Variants in BMPR1B observed in about 807,000 individuals in gnomAD.
BMPR1B encodes the protein bone morphogenetic protein receptor type-1B.
BMPR1B carries 12 observed loss-of-function variants against 59.1 expected under a neutral mutation model. That is an observed-to-expected ratio of 0.20 (90% CI 0.13 to 0.33). The LOEUF (loss-of-function observed/expected upper bound fraction) is 0.33. BMPR1B is among the 10% of genes least tolerant of loss of function. BMPR1B has a pLI of 1.00. For synonymous variants in BMPR1B, 237 were observed against 207.3 expected (o/e 1.14, Z -1.23); for missense variants, 550 against 610.9 (o/e 0.90, Z 1.05).
chr4:95,018,163 T>C (rs536463547), intron 3 of BMPR1B, among the ~76,000 whole-genome samples: 2 of 152,340 alleles, frequency 1.3e-5, no homozygotes, highest in Non-Finnish European at 2.9e-5. Flanking sequence ...TCATTTTATG[T>C]ACATGCAACA....
intron 2 of BMPR1B, among the ~76,000 whole-genome samples, chr4:94,886,298 T>G (rs1361456468): frequency 6.6e-6 from 1 of 152,210 alleles, no homozygotes; most frequent in African/African-American, 2.4e-5. Context: ...GTTTCTAATT[T>G]ATATCTGAAG....
intron 2 of BMPR1B, among the ~76,000 whole-genome samples, chr4:94,973,361 G>A (rs1730888393): frequency 6.6e-6 from 1 of 152,166 alleles, no homozygotes; most frequent in Non-Finnish European, 1.5e-5. Flanking sequence ...ATGAATTAAA[G>A]GATGGTAACT....
chr4:94,812,689 C>T (rs1723863716), intron 1 of BMPR1B, among the ~76,000 whole-genome samples: 2 of 152,096 alleles, frequency 1.3e-5, no homozygotes, highest in Admixed American at 1.3e-4. Context: ...AGGGTGAGGG[C>T]AGTCCCTGGG....
At chr4:94,871,977 G>A (rs1255256368) in intron 1 of BMPR1B, among the ~76,000 whole-genome samples, 3 of 152,174 alleles carry the variant, frequency 2.0e-5, no homozygotes, top group South Asian at 2.1e-4. Context: ...TTCTAAGGTC[G>A]TACCTTTTAT....
rs116215819 is a variant in BMPR1B at position 95,066,560 on chromosome 4, C to T, written c.-17-37848C>T. On this transcript the variant is annotated intron_variant, in intron 3 of 12. Coordinates refer to ENST00000515059, the MANE Select transcript of BMPR1B (RefSeq NM_001203.3). ...TTTCTAGAGCTTGTAAACATAGGAG[C>T]GATTGGAATAGTTTAAGCAAAGTCA... 6.3e-3 allele frequency among the ~76,000 whole-genome samples: 952 copies of T among 152,130 alleles called. 12 individuals carry two copies. Among genetic ancestry groups the T allele is most frequent in the African/African-American group, 0.022 (905 of 41,514 alleles).
At chr4:95,112,271 C>T (rs1401047907) in intron 4 of BMPR1B, among the ~76,000 whole-genome samples, 5 of 151,962 alleles carry the variant, frequency 3.3e-5, no homozygotes, top group East Asian at 1.9e-4. Flanking sequence ...ACTCTGGGAA[C>T]GAGGGTAACA....
intron 2 of BMPR1B, among the ~76,000 whole-genome samples, chr4:94,929,057 C>T (rs1728996024): frequency 6.6e-6 from 1 of 152,078 alleles, no homozygotes. Context: ...AAGGCAATGC[C>T]TCCCAACAAT....
At chr4:95,013,923 A>G (rs1317206507) in intron 3 of BMPR1B, among the ~76,000 whole-genome samples, 2 of 152,176 alleles carry the variant, frequency 1.3e-5, no homozygotes, top group Non-Finnish European at 2.9e-5. Flanking sequence ...ATCTTAAAAT[A>G]AAGATGTTTA....
At chr4:95,136,266 A>G (rs1733776506) in intron 10 of BMPR1B, among the ~76,000 whole-genome samples, 2 of 152,170 alleles carry the variant, frequency 1.3e-5, no homozygotes, top group Admixed American at 1.3e-4. Flanking sequence ...AGCCCACTTG[A>G]TCATGGTGGA....
At chr4:94,882,728 G>A (rs1727023088) in intron 2 of BMPR1B, among the ~76,000 whole-genome samples, 1 of 152,022 alleles carries the variant, frequency 6.6e-6, no homozygotes, top group Admixed American at 6.6e-5. Flanking sequence ...TCATAGGGAG[G>A]GTCTTCAGAT....
At chr4:94,804,658 G>A (rs1247478008) in intron 1 of BMPR1B, among the ~76,000 whole-genome samples, 2 of 131,886 alleles carry the variant, frequency 1.5e-5, no homozygotes, top group Non-Finnish European at 3.1e-5. Flanking sequence ...CAAAGTAAGT[G>A]TGTAGTTCAA....
intron 2 of BMPR1B, among the ~76,000 whole-genome samples, chr4:94,880,116 A>G (rs1726900526): frequency 6.6e-6 from 1 of 152,116 alleles, no homozygotes; most frequent in Non-Finnish European, 1.5e-5. Flanking sequence ...GCTGTTAAGT[A>G]TATGTGTGTT....
intron 2 of BMPR1B, among the ~76,000 whole-genome samples, chr4:94,959,548 A>G (rs1730276905): frequency 6.6e-6 from 1 of 152,148 alleles, no homozygotes; most frequent in Non-Finnish European, 1.5e-5. Flanking sequence ...CTTACTTCTC[A>G]CATTTCTTTT....
At chr4:94,850,342 A>G (rs932817799) in intron 1 of BMPR1B, among the ~76,000 whole-genome samples, 2 of 152,222 alleles carry the variant, frequency 1.3e-5, no homozygotes, top group Non-Finnish European at 2.9e-5. Flanking sequence ...CAAAAATATA[A>G]AAAGCACAAT....
chr4:94,880,713 A>G (rs1411648343), intron 2 of BMPR1B, among the ~76,000 whole-genome samples: 3 of 144,420 alleles, frequency 2.1e-5, no homozygotes, highest in Non-Finnish European at 4.5e-5. Context: ...ATCATGGCTC[A>G]CTACACCTTC....
intron 2 of BMPR1B, among the ~76,000 whole-genome samples, chr4:94,988,318 A>G (rs1721536952): frequency 6.6e-6 from 1 of 152,114 alleles, no homozygotes; most frequent in South Asian, 2.1e-4. Context: ...TTAATTTTTA[A>G]TATAGGTTCA....
chr4:94,937,433 G>A (rs1729353985), intron 2 of BMPR1B, among the ~76,000 whole-genome samples: 1 of 152,060 alleles, frequency 6.6e-6, no homozygotes, highest in Non-Finnish European at 1.5e-5. Flanking sequence ...ACTGCCTTCT[G>A]TTTTTCTCTT....
chr4:94,791,685 G>T (rs1722993701), intron 1 of BMPR1B, among the ~76,000 whole-genome samples: 1 of 152,034 alleles, frequency 6.6e-6, no homozygotes, highest in Admixed American at 6.6e-5. Context: ...GTTTAATATT[G>T]TAAAATATGT....
chr4:94,944,302 T>G (rs1729625341), intron 2 of BMPR1B, among the ~76,000 whole-genome samples: 1 of 152,150 alleles, frequency 6.6e-6, no homozygotes, highest in African/African-American at 2.4e-5. Flanking sequence ...AAATTCTCAC[T>G]TGGAAATTGT....
Sources: allele counts gnomAD v4.1 joint callset (sites outside exome capture counted in the v4.1 genomes callset), GRCh38; gene constraint gnomAD v4.1.1; transcripts MANE v1.5; gene names NCBI Gene and HGNC (gene_info 2026-07-23, HGNC 2026-07-21).